Variants in VPS13B observed in about 807,000 individuals in gnomAD.
The protein encoded by VPS13B is intermembrane lipid transfer protein VPS13B.
A neutral mutation model predicts 426.4 loss-of-function variants in VPS13B; 285 were observed. The ratio of observed to expected loss-of-function variants is 0.67; its 90% CI spans 0.61 to 0.74. The LOEUF (loss-of-function observed/expected upper bound fraction) is 0.74, where lower values mean the gene tolerates loss of function less well. Ranked by LOEUF, VPS13B falls within the 30% of genes least tolerant of loss-of-function variation. The pLI, the probability that VPS13B is intolerant of heterozygous loss-of-function variation, is 0.00. For synonymous variants in VPS13B, 1,676 were observed against 1,676.4 expected (o/e 1.00, Z 0.01); for missense variants, 4,537 against 4,782.6 (o/e 0.95, Z 1.51).
chr8:99,474,552 G>T (rs1036632447), intron 24 of VPS13B, among the ~76,000 whole-genome samples: 10 of 152,134 alleles, frequency 6.6e-5, no homozygotes, highest in African/African-American at 2.4e-4. Flanking sequence ...GACAAATAAT[G>T]GGGAAAAGAC....
chr8:99,031,701 A>G (rs939029123), intron 2 of VPS13B, among the ~76,000 whole-genome samples: 1 of 152,022 alleles, frequency 6.6e-6, no homozygotes, highest in African/African-American at 2.4e-5. Flanking sequence ...AGTGGGCTAG[A>G]TTGTGGGTGT....
At chr8:99,234,472 C>T (rs1160145200) in intron 17 of VPS13B, 18 of 554,766 alleles carry the variant, frequency 3.2e-5, no homozygotes, top group Non-Finnish European at 5.7e-5. Flanking sequence ...GGCCTCGCCG[C>T]CGCCCCGCCC....
intron 15 of VPS13B, among the ~76,000 whole-genome samples, chr8:99,165,658 T>C (rs1811960922): frequency 1.3e-5 from 2 of 152,226 alleles, no homozygotes; most frequent in South Asian, 4.1e-4. Flanking sequence ...GAGGAAATAA[T>C]GTTTTCATAC....
rs141236835 is a variant in VPS13B at position 99,452,311 on chromosome 8, G to C, written c.3445+9676G>C. ...AGGCTTCAGGGCATTTCATTTATCA[G>C]GTCCCTCCAACTCTGTGCTGTCTTT... On this transcript the variant is annotated intron_variant, in intron 23 of 61. Coordinates refer to ENST00000357162, the MANE Select transcript of VPS13B (RefSeq NM_152564.5). 9.9e-5 allele frequency among the ~76,000 whole-genome samples: 15 copies of C among 152,192 alleles called. No homozygotes were observed. In the East Asian group the frequency reaches 2.7e-3, roughly 27 times the overall value.
intron 21 of VPS13B, among the ~76,000 whole-genome samples, chr8:99,401,207 T>C (rs531777849): frequency 3.3e-4 from 51 of 152,280 alleles, no homozygotes; most frequent in Middle Eastern, 3.4e-3. Flanking sequence ...GGCTAGTAAA[T>C]TTTCATCTTC....
chr8:99,545,619 G>A (rs1295589791), intron 30 of VPS13B, among the ~76,000 whole-genome samples: 12 of 152,050 alleles, frequency 7.9e-5, no homozygotes, highest in African/African-American at 1.7e-4. Context: ...TAGATTTCAC[G>A]AAATTGTGTC....
chr8:99,397,643 A>G (rs924182050), intron 21 of VPS13B, among the ~76,000 whole-genome samples: 5 of 152,212 alleles, frequency 3.3e-5, no homozygotes, highest in African/African-American at 9.6e-5. Flanking sequence ...TAAAGCTATT[A>G]TGATCTTTCA....
At chr8:99,446,354 C>CA (rs1304469269) in intron 23 of VPS13B, among the ~76,000 whole-genome samples, 1 of 151,988 alleles carries the variant, frequency 6.6e-6, no homozygotes, top group Non-Finnish European at 1.5e-5. Context: ...TTAGGAGGTA[C>CA]AATGTCATTT....
intron 35 of VPS13B, among the ~76,000 whole-genome samples, chr8:99,691,092 T>C (rs1831634299): frequency 6.6e-6 from 1 of 152,216 alleles, no homozygotes; most frequent in Admixed American, 6.5e-5. Flanking sequence ...TTATGCTATA[T>C]GAAGGAAACC....
intron 17 of VPS13B, among the ~76,000 whole-genome samples, chr8:99,218,707 G>A (rs1815519238): frequency 2.6e-5 from 4 of 152,186 alleles, no homozygotes; most frequent in Admixed American, 2.6e-4. Flanking sequence ...GGTGCAGAGG[G>A]AGTCAGCTGA....
intron 30 of VPS13B, chr8:99,536,595 T>C: frequency 1.9e-6 from 1 of 528,180 alleles, no homozygotes; most frequent in South Asian, 1.4e-5. Context: ...GAAATAATGT[T>C]TTGTATCCTG....
intron 3 of VPS13B, among the ~76,000 whole-genome samples, chr8:99,056,132 C>A (rs1484145484): frequency 6.6e-6 from 1 of 151,898 alleles, no homozygotes; most frequent in Non-Finnish European, 1.5e-5. Flanking sequence ...TCTCAGCTCA[C>A]TGGAACCTCC....
chr8:99,478,446 T>C (rs1222006836), intron 24 of VPS13B, among the ~76,000 whole-genome samples: 2 of 65,848 alleles, frequency 3.0e-5, no homozygotes, highest in Non-Finnish European at 2.8e-5. Context: ...TTTTTTGTTT[T>C]GTTTTTTTTT....
At chr8:99,326,350 C>T (rs1280682642) in intron 19 of VPS13B, among the ~76,000 whole-genome samples, 1 of 149,870 alleles carries the variant, frequency 6.7e-6, no homozygotes, top group Non-Finnish European at 1.5e-5. Flanking sequence ...TAAACAATGT[C>T]CTCTTCTATA....
chr8:99,599,484 A>T (rs1427598102), intron 33 of VPS13B, among the ~76,000 whole-genome samples: 1 of 152,118 alleles, frequency 6.6e-6, no homozygotes, highest in African/African-American at 2.4e-5. Flanking sequence ...ATCTTTTCCA[A>T]GTAAAAATGT....
chr8:99,620,085 AAACT>A (rs1243683848), intron 33 of VPS13B, among the ~76,000 whole-genome samples: 1 of 152,110 alleles, frequency 6.6e-6, no homozygotes, highest in East Asian at 1.9e-4. Context: ...AGTAGACAAG[AAACT>A]GTTCATTAGA....
At chr8:99,297,920 A>G (rs1164205737) in intron 19 of VPS13B, among the ~76,000 whole-genome samples, 1 of 152,128 alleles carries the variant, frequency 6.6e-6, no homozygotes, top group Non-Finnish European at 1.5e-5. Context: ...CTTGCTGGGT[A>G]ATACATTATT....
intron 39 of VPS13B, among the ~76,000 whole-genome samples, chr8:99,752,714 C>T (rs1810461039): frequency 6.6e-6 from 1 of 152,140 alleles, no homozygotes; most frequent in African/African-American, 2.4e-5. Context: ...CTGAGAGTTG[C>T]CTATCTGTAC....
chr8:99,502,313 G>A (rs1055027409), intron 26 of VPS13B, among the ~76,000 whole-genome samples: 2 of 152,004 alleles, frequency 1.3e-5, no homozygotes, highest in Non-Finnish European at 2.9e-5. Flanking sequence ...ACTGAAAAGT[G>A]CAAATATTAA....
Sources: allele counts gnomAD v4.1 joint callset (sites outside exome capture counted in the v4.1 genomes callset), GRCh38; gene constraint gnomAD v4.1.1; transcripts MANE v1.5; gene names NCBI Gene and HGNC (gene_info 2026-07-23, HGNC 2026-07-21).